NREP: variants seen among roughly 807,000 people sequenced by gnomAD.
NREP encodes the protein neuronal regeneration-related protein.
NREP carries 5 observed loss-of-function variants against 8.6 expected under a neutral mutation model. The observed-to-expected ratio is 0.58, with a 90% CI of 0.30 to 1.22. The LOEUF (loss-of-function observed/expected upper bound fraction) is 1.22, where lower values mean the gene tolerates loss of function less well. NREP is among the 50% of genes most tolerant of loss of function. The probability of loss-of-function intolerance (pLI) is 0.07; values close to 1 mark genes in which losing one functional copy is unlikely to be tolerated. For missense variants in NREP, 86 were observed against 82.5 expected (o/e 1.04, Z -0.17); for synonymous variants, 27 against 28.0 (o/e 0.96, Z 0.11).
chr5:111,908,907 A>C (rs1388932942), intron 2 of NREP, among the ~76,000 whole-genome samples: 7 of 151,946 alleles, frequency 4.6e-5, no homozygotes, highest in Admixed American at 1.3e-4. Flanking sequence ...CTAACTTTTT[A>C]ATAATAGCCA....
intron 2 of NREP, among the ~76,000 whole-genome samples, chr5:111,897,353 G>C (rs945466304): frequency 6.6e-6 from 1 of 152,196 alleles, no homozygotes; most frequent in Non-Finnish European, 1.5e-5. Context: ...CACTGTGCCA[G>C]TGCATTCTAC....
intron 2 of NREP, among the ~76,000 whole-genome samples, chr5:111,965,428 A>G (rs1346909347): frequency 6.6e-6 from 1 of 152,212 alleles, no homozygotes; most frequent in African/African-American, 2.4e-5. Context: ...TTTTGCTGTC[A>G]TTAAATATGA....
chr5:111,764,833 G>C (rs1483236512), intron 2 of NREP, among the ~76,000 whole-genome samples: 5 of 152,172 alleles, frequency 3.3e-5, no homozygotes, highest in Non-Finnish European at 7.3e-5. Context: ...ATTCATAGAA[G>C]TACACATATA....
intron 2 of NREP, among the ~76,000 whole-genome samples, chr5:111,844,822 G>A (rs950690874): frequency 6.6e-6 from 1 of 150,628 alleles, no homozygotes; most frequent in Non-Finnish European, 1.5e-5. Flanking sequence ...CCTAACAAGG[G>A]CTATGTGCAC....
intron 2 of NREP, among the ~76,000 whole-genome samples, chr5:111,788,253 A>G (rs961770601): frequency 6.6e-6 from 1 of 152,246 alleles, no homozygotes; most frequent in South Asian, 2.1e-4. Context: ...CAAAATATTT[A>G]TGATCAAAAA....
chr5:111,847,309 A>G (rs895301772), intron 2 of NREP, among the ~76,000 whole-genome samples: 7 of 152,112 alleles, frequency 4.6e-5, no homozygotes, highest in Admixed American at 4.6e-4. Context: ...TAGTGCATGC[A>G]CAGAGAGAAA....
chr5:111,843,246 C>G (rs1753076426), intron 2 of NREP, among the ~76,000 whole-genome samples: 1 of 151,524 alleles, frequency 6.6e-6, no homozygotes, highest in East Asian at 2.0e-4. Flanking sequence ...ATTTTTTGTT[C>G]TTTTTGTTCC....
At chr5:111,818,019 G>C (rs1014573406) in intron 2 of NREP, among the ~76,000 whole-genome samples, 1 of 151,972 alleles carries the variant, frequency 6.6e-6, no homozygotes, top group African/African-American at 2.4e-5. Flanking sequence ...TCAAATATCA[G>C]AAATTCCACA....
At position 111,729,497 on chromosome 5, in the gene NREP, T is replaced by C. The variant is rs564169909; in HGVS notation, c.*1424A>G. On this transcript the variant is annotated 3_prime_UTR_variant, in exon 4 of 4. Coordinates refer to ENST00000257435, the MANE Select transcript of NREP (RefSeq NM_004772.4). ...TCTTGCTCTATTTACACAGCTGATA[T>C]ACCTATTCTAACGAAGGAGGGAGAG... 9.8e-5 allele frequency: 15 copies of C among 152,750 alleles called. No individual in the cohort carries two copies. The highest frequency in any genetic ancestry group is 3.1e-4 in the African/African-American group (13 of 41,560). The allele number at this position is 152,750 out of a possible 1,614,324, so 9.5% of individuals were successfully genotyped here.
intron 2 of NREP, among the ~76,000 whole-genome samples, chr5:111,891,479 T>A (rs939604574): frequency 2.6e-5 from 4 of 152,202 alleles, no homozygotes; most frequent in African/African-American, 9.6e-5. Flanking sequence ...CATTCCAAAC[T>A]CATTTCCATA....
intron 2 of NREP, among the ~76,000 whole-genome samples, chr5:111,795,878 G>A (rs980883261): frequency 6.6e-6 from 1 of 152,214 alleles, no homozygotes; most frequent in African/African-American, 2.4e-5. Context: ...TATGAGGTAT[G>A]TGCTTTCATT....
chr5:111,831,962 T>G (rs1213283825), intron 2 of NREP, among the ~76,000 whole-genome samples: 1 of 152,172 alleles, frequency 6.6e-6, no homozygotes, highest in Non-Finnish European at 1.5e-5. Flanking sequence ...GTGGCCCACG[T>G]AGGCCAAGTG....
At chr5:111,828,378 G>A (rs1285061206) in intron 2 of NREP, among the ~76,000 whole-genome samples, 1 of 152,170 alleles carries the variant, frequency 6.6e-6, no homozygotes, top group Non-Finnish European at 1.5e-5. Context: ...GGAGTTTGGG[G>A]TGGGAGTGAG....
chr5:111,818,057 C>T (rs1270700757), intron 2 of NREP, among the ~76,000 whole-genome samples: 1 of 151,868 alleles, frequency 6.6e-6, no homozygotes, highest in Non-Finnish European at 1.5e-5. Flanking sequence ...ATGGTATACC[C>T]AGAATTCTCA....
At chr5:111,961,870 T>C (rs1401313533) in intron 2 of NREP, among the ~76,000 whole-genome samples, 1 of 152,262 alleles carries the variant, frequency 6.6e-6, no homozygotes, top group Non-Finnish European at 1.5e-5. Context: ...TATTTTATTC[T>C]ACCTGGATTT....
At chr5:111,757,412 C>T (rs1750794666), upstream of NREP, 2 of 982,166 alleles carry the variant, frequency 2.0e-6, no homozygotes, top group Non-Finnish European at 2.4e-6. Flanking sequence ...GTGTGTCTCT[C>T]TCTTTCTCTA....
At chr5:111,942,734 C>G (rs888826071) in intron 2 of NREP, among the ~76,000 whole-genome samples, 1 of 151,934 alleles carries the variant, frequency 6.6e-6, no homozygotes, top group African/African-American at 2.4e-5. Context: ...ACTGTCATCA[C>G]CCATATAATT....
At chr5:111,835,562 G>T (rs1052156848) in intron 2 of NREP, among the ~76,000 whole-genome samples, 3 of 152,008 alleles carry the variant, frequency 2.0e-5, no homozygotes, top group Non-Finnish European at 2.9e-5. Context: ...AGTAGACAAA[G>T]AATGAGGATA....
chr5:111,748,758 G>A (rs1046217650), intron 2 of NREP, among the ~76,000 whole-genome samples: 39 of 151,818 alleles, frequency 2.6e-4, no homozygotes, highest in African/African-American at 9.4e-4. Context: ...TAGAGGAAAT[G>A]GAAAAAAAAG....
Sources: gnomAD v4.1 joint callset for allele counts (sites outside exome capture counted in the v4.1 genomes callset) on GRCh38, gnomAD v4.1.1 for gene constraint, MANE v1.5 for transcripts, NCBI Gene and HGNC (gene_info 2026-07-23, HGNC 2026-07-21) for gene names.